NRXN3: variants seen among roughly 807,000 people sequenced by gnomAD.
The protein encoded by NRXN3 is neurexin 3, also known as neurexin III.
NRXN3 carries 32 observed loss-of-function variants against 137.6 expected under a neutral mutation model. The observed-to-expected ratio is 0.23, with a 90% CI of 0.18 to 0.31. NRXN3 has a LOEUF of 0.31. Among genes scored for constraint, NRXN3 ranks in the 10% least tolerant of loss-of-function variants. The pLI is 1.00. For synonymous variants in NRXN3, 798 were observed against 784.5 expected (o/e 1.02, Z -0.29); for missense variants, 1,574 against 2,062.5 (o/e 0.76, Z 4.59).
intron 1 of NRXN3, among the ~76,000 whole-genome samples, chr14:78,205,411 G>A (rs559202588): frequency 3.3e-5 from 5 of 152,342 alleles, no homozygotes; most frequent in African/African-American, 1.2e-4. Context: ...CAGATTGGCT[G>A]AGACGATGCA....
At chr14:79,145,070 A>C (rs545791968) in intron 15 of NRXN3, among the ~76,000 whole-genome samples, 1 of 152,246 alleles carries the variant, frequency 6.6e-6, no homozygotes, top group East Asian at 1.9e-4. Context: ...GAGACTCTTT[A>C]GATGAATCAT....
At chr14:79,160,238 A>G (rs1013753525) in intron 15 of NRXN3, among the ~76,000 whole-genome samples, 10 of 151,956 alleles carry the variant, frequency 6.6e-5, no homozygotes, top group African/African-American at 2.4e-4. Context: ...AGAAAAATAA[A>G]AACTCTTTAT....
At chr14:78,280,427 A>G (rs1007475440) in intron 3 of NRXN3, among the ~76,000 whole-genome samples, 7 of 152,214 alleles carry the variant, frequency 4.6e-5, no homozygotes, top group Admixed American at 4.6e-4. Context: ...ATAGGTAGTC[A>G]GGGAAGTACC....
At chr14:78,912,368 T>C (rs1040437381) in intron 10 of NRXN3, among the ~76,000 whole-genome samples, 1 of 151,588 alleles carries the variant, frequency 6.6e-6, no homozygotes, top group Non-Finnish European at 1.5e-5. Flanking sequence ...AATCAGTTCT[T>C]ACTGTCAGTT....
chr14:78,518,995 C>G (rs2096250417), intron 4 of NRXN3, among the ~76,000 whole-genome samples: 2 of 152,068 alleles, frequency 1.3e-5, no homozygotes, highest in South Asian at 4.1e-4. Flanking sequence ...GTAGGACAGT[C>G]AACTGGCCTC....
intron 1 of NRXN3, among the ~76,000 whole-genome samples, chr14:78,239,272 C>T (rs1055561215): frequency 7.2e-5 from 11 of 152,324 alleles, no homozygotes; most frequent in East Asian, 5.8e-4. Flanking sequence ...TCTTAATTGC[C>T]GTGCTTTACT....
chr14:78,688,887 A>G (rs1339127694), intron 6 of NRXN3, among the ~76,000 whole-genome samples: 2 of 151,996 alleles, frequency 1.3e-5, no homozygotes, highest in East Asian at 1.9e-4. Flanking sequence ...TAATAAAATC[A>G]GGAGAAAAAA....
chr14:79,617,465 G>C (rs2098169829), intron 16 of NRXN3, among the ~76,000 whole-genome samples: 1 of 152,118 alleles, frequency 6.6e-6, no homozygotes, highest in South Asian at 2.1e-4. Flanking sequence ...CAAGAGAGCA[G>C]TTAAAGAATA....
intron 10 of NRXN3, among the ~76,000 whole-genome samples, chr14:78,889,260 T>A (rs1274260846): frequency 6.6e-6 from 1 of 151,978 alleles, no homozygotes; most frequent in East Asian, 1.9e-4. Context: ...TCCTTTAAAA[T>A]TTTATTATCC....
At chr14:79,826,585 A>G (rs535673209) in intron 20 of NRXN3, among the ~76,000 whole-genome samples, 1 of 152,324 alleles carries the variant, frequency 6.6e-6, no homozygotes, top group African/African-American at 2.4e-5. Flanking sequence ...CCTAACAAGG[A>G]CTTTCTCTTA....
intron 1 of NRXN3, among the ~76,000 whole-genome samples, chr14:78,236,733 C>CCCT (rs2066361792): frequency 7.0e-6 from 1 of 143,156 alleles, no homozygotes; most frequent in African/African-American, 2.5e-5. Context: ...TATTATTCCC[C>CCCT]CCCCCCTTTT....
intron 2 of NRXN3, among the ~76,000 whole-genome samples, chr14:78,273,842 G>C (rs1204664949): frequency 6.6e-6 from 1 of 152,160 alleles, no homozygotes; most frequent in Middle Eastern, 3.2e-3. Context: ...TTCTCATACT[G>C]ATGGGCCTGT....
At chr14:79,176,198 GT>G (rs1325776126) in intron 15 of NRXN3, among the ~76,000 whole-genome samples, 1 of 152,138 alleles carries the variant, frequency 6.6e-6, no homozygotes, top group African/African-American at 2.4e-5. Context: ...TGGAAGTTTT[GT>G]CTTCTGCCTC....
intron 10 of NRXN3, among the ~76,000 whole-genome samples, chr14:78,920,681 A>T (rs1018465321): frequency 6.6e-6 from 1 of 152,122 alleles, no homozygotes; most frequent in Non-Finnish European, 1.5e-5. Flanking sequence ...GCTGACCACA[A>T]ATTGGGGGTT....
intron 19 of NRXN3, among the ~76,000 whole-genome samples, chr14:79,763,071 C>T (rs952615117): frequency 4.6e-5 from 7 of 150,580 alleles, no homozygotes; most frequent in East Asian, 1.9e-4. Flanking sequence ...CTCCCTGTGT[C>T]CATGCGTTCT....
intron 10 of NRXN3, among the ~76,000 whole-genome samples, chr14:78,811,708 T>C (rs1486586774): frequency 6.6e-6 from 1 of 152,170 alleles, no homozygotes; most frequent in Non-Finnish European, 1.5e-5. Flanking sequence ...GAAGATATAT[T>C]ATAGGCATGA....
chr14:78,456,182 C>T (rs957118086), intron 4 of NRXN3, among the ~76,000 whole-genome samples: 4 of 152,152 alleles, frequency 2.6e-5, no homozygotes, highest in Admixed American at 2.6e-4. Flanking sequence ...CAGTCGACAC[C>T]CCCCTACGAC....
intron 6 of NRXN3, among the ~76,000 whole-genome samples, chr14:78,668,465 G>C (rs139490287): frequency 1.3e-5 from 2 of 152,268 alleles, no homozygotes; most frequent in African/African-American, 4.8e-5. Flanking sequence ...AGAAATATTT[G>C]ACAATATCTG....
At chr14:78,904,588 C>T (rs996465057) in intron 10 of NRXN3, among the ~76,000 whole-genome samples, 1 of 152,054 alleles carries the variant, frequency 6.6e-6, no homozygotes, top group African/African-American at 2.4e-5. Flanking sequence ...GAACCTCAAC[C>T]TCTCCCTCGA....
Sources: gnomAD v4.1 joint callset for allele counts (sites outside exome capture counted in the v4.1 genomes callset) on GRCh38, gnomAD v4.1.1 for gene constraint, MANE v1.5 for transcripts, NCBI Gene and HGNC (gene_info 2026-07-23, HGNC 2026-07-21) for gene names.